MAD1L1: variants seen among roughly 807,000 people sequenced by gnomAD.
The protein encoded by MAD1L1 is mitotic arrest deficient 1 like 1.
A neutral mutation model predicts 96.9 loss-of-function variants in MAD1L1; 95 were observed. That is an observed-to-expected ratio of 0.98 (90% CI 0.83 to 1.16). The LOEUF is 1.16. MAD1L1 is among the 50% of genes most tolerant of loss of function. MAD1L1 has a pLI of 0.00. For missense variants in MAD1L1, 1,007 were observed against 954.4 expected, an observed-to-expected ratio of 1.06 and a Z score of -0.73; for synonymous variants, 473 against 396.6, an observed-to-expected ratio of 1.19 and a Z score of -2.29.
chr7:1,948,867 A>G (rs1004391595), intron 16 of MAD1L1, among the ~76,000 whole-genome samples: 3 of 152,150 alleles, frequency 2.0e-5, no homozygotes, highest in African/African-American at 7.2e-5. Flanking sequence ...GGCACCCAGC[A>G]AGGCTGACAT....
intron 11 of MAD1L1, among the ~76,000 whole-genome samples, chr7:2,118,383 C>T (rs758371996): frequency 1.1e-4 from 16 of 152,242 alleles, no homozygotes; most frequent in Non-Finnish European, 1.8e-4. Context: ...AGCAGGACCT[C>T]CCCCTGTGCT....
chr7:2,216,091 G>C (rs200887369), intron 8 of MAD1L1, 66 bp downstream of exon 8: 11 of 1,607,712 alleles, frequency 6.8e-6, no homozygotes, highest in South Asian at 3.3e-5. Flanking sequence ...GGTCTGCACA[G>C]TGGGCTCCAT....
intron 17 of MAD1L1, among the ~76,000 whole-genome samples, chr7:1,928,128 G>A (rs1487834717): frequency 3.3e-5 from 5 of 149,906 alleles, no homozygotes; most frequent in African/African-American, 4.9e-5. Flanking sequence ...TGCTCCCCAC[G>A]ACCCGCCGGT....
chr7:2,091,098 C>T (rs768912340), intron 11 of MAD1L1, among the ~76,000 whole-genome samples: 1 of 152,230 alleles, frequency 6.6e-6, no homozygotes, highest in Non-Finnish European at 1.5e-5. Flanking sequence ...CACAGGAATG[C>T]TTTCCTCTGG....
intron 4 of MAD1L1, among the ~76,000 whole-genome samples, chr7:2,224,329 CCCA>C (rs1196304407): frequency 6.6e-6 from 1 of 152,276 alleles, no homozygotes; most frequent in East Asian, 1.9e-4. Flanking sequence ...CCCTCCCCTT[CCCA>C]CCAATTCCTC....
intron 11 of MAD1L1, chr7:2,089,207 G>T (rs1163492016): frequency 6.6e-6 from 1 of 152,292 alleles, no homozygotes; most frequent in African/African-American, 2.4e-5. Flanking sequence ...CACAGCCAAG[G>T]TGATATGGTT....
intron 18 of MAD1L1, among the ~76,000 whole-genome samples, chr7:1,894,725 G>A (rs1786759851): frequency 6.6e-6 from 1 of 152,098 alleles, no homozygotes; most frequent in African/African-American, 2.4e-5. Context: ...GGCGAGCGGG[G>A]TGCTAGGCAC....
intron 12 of MAD1L1, among the ~76,000 whole-genome samples, chr7:2,045,142 G>C (rs550520381): frequency 6.6e-6 from 1 of 151,924 alleles, no homozygotes; most frequent in Admixed American, 6.5e-5. Flanking sequence ...GACATGAAAG[G>C]CTCCGGCCTC....
chr7:1,847,147 T>G (rs1461993034), intron 18 of MAD1L1: 1 of 391,470 alleles, frequency 2.6e-6, no homozygotes, highest in African/African-American at 2.1e-5. Context: ...GGCCTCTGAC[T>G]TTCCCGTCTG....
chr7:2,033,819 A>T (rs1783341361), intron 12 of MAD1L1, among the ~76,000 whole-genome samples: 1 of 152,252 alleles, frequency 6.6e-6, no homozygotes, highest in Non-Finnish European at 1.5e-5. Context: ...TTGCCTAAAA[A>T]GTAATCAGAC....
intron 12 of MAD1L1, among the ~76,000 whole-genome samples, chr7:2,049,379 C>A (rs1784066602): frequency 6.6e-6 from 1 of 152,220 alleles, no homozygotes. Flanking sequence ...ACAGTGGGGG[C>A]CCCCACTCCA....
In MAD1L1 at chr7:2,069,194, CT is replaced by C; in HGVS notation, c.1217del (p.Lys406ArgfsTer17). The C allele has an allele frequency of 6.3e-7, 1 of 1,590,916 alleles. No homozygotes were observed. Among genetic ancestry groups the C allele is most frequent in the Non-Finnish European group, 8.6e-7 (1 of 1,169,360 alleles). ...ATCAAGATGTAAGGGCATACATCAC[CT>C]TGGTGAGCAGCAGGACCCGTTTCTG... ...RLQKRVLLLT[K>X]ERDGMRAILG... On this transcript the variant is annotated frameshift_variant and splice_region_variant, in exon 12 of 19. Coordinates refer to ENST00000265854, the MANE Select transcript of MAD1L1 (RefSeq NM_001013836.2). LOFTEE classifies it high-confidence loss of function.
chr7:1,983,704 G>A (rs570727843), intron 14 of MAD1L1, among the ~76,000 whole-genome samples: 25 of 152,250 alleles, frequency 1.6e-4, no homozygotes, highest in African/African-American at 5.5e-4. Context: ...CGTATCCACC[G>A]TCCAGATCAG....
chr7:1,948,689 G>A (rs963179470), intron 16 of MAD1L1, among the ~76,000 whole-genome samples: 10 of 152,314 alleles, frequency 6.6e-5, no homozygotes, highest in South Asian at 2.1e-4. Context: ...GAGAAAGGGC[G>A]GGCGGCCTGC....
intron 10 of MAD1L1, among the ~76,000 whole-genome samples, chr7:2,184,124 C>A (rs1025875183): frequency 1.3e-5 from 2 of 151,776 alleles, no homozygotes; most frequent in African/African-American, 4.8e-5. Context: ...TGGTGGCGGG[C>A]GCCTGTAGTC....
At chr7:1,897,339 G>A (rs549225756) in intron 18 of MAD1L1, among the ~76,000 whole-genome samples, 1 of 152,350 alleles carries the variant, frequency 6.6e-6, no homozygotes, top group South Asian at 2.1e-4. Context: ...AGCAGTCCCA[G>A]GTGGGGCCCG....
At chr7:1,940,810 C>A (rs762523472) in intron 16 of MAD1L1, among the ~76,000 whole-genome samples, 1 of 152,216 alleles carries the variant, frequency 6.6e-6, no homozygotes, top group Non-Finnish European at 1.5e-5. Flanking sequence ...CAAAAATGTA[C>A]AACGGTTCTT....
At chr7:2,072,450 A>G (rs938326398) in intron 11 of MAD1L1, among the ~76,000 whole-genome samples, 3 of 152,160 alleles carry the variant, frequency 2.0e-5, no homozygotes, top group Admixed American at 2.0e-4. Context: ...ATAACCAAAA[A>G]CGCAAGACAA....
chr7:2,224,186 G>A (rs1383495076), intron 4 of MAD1L1, among the ~76,000 whole-genome samples: 2 of 152,142 alleles, frequency 1.3e-5, no homozygotes, highest in African/African-American at 4.8e-5. Context: ...AACTCCAACA[G>A]CTGCACACTG....
Sources: gnomAD v4.1 joint callset for allele counts (sites outside exome capture counted in the v4.1 genomes callset) on GRCh38, gnomAD v4.1.1 for gene constraint, MANE v1.5 for transcripts, NCBI Gene and HGNC (gene_info 2026-07-23, HGNC 2026-07-21) for gene names.